Variants in DENND4C observed in about 807,000 individuals in gnomAD.
DENND4C encodes the protein DENN domain-containing protein 4C.
In DENND4C, 108 loss-of-function variants were observed where a neutral mutation model predicts 203.0. The ratio of observed to expected loss-of-function variants is 0.53; its 90% CI spans 0.46 to 0.62. DENND4C has a LOEUF of 0.62. DENND4C is among the 20% of genes least tolerant of loss of function. The probability of loss-of-function intolerance (pLI) is 0.00; values close to 1 mark genes in which losing one functional copy is unlikely to be tolerated. For missense variants in DENND4C, 2,481 were observed against 2,301.2 expected (o/e 1.08, Z -1.60); for synonymous variants, 871 against 792.4 (o/e 1.10, Z -1.67).
At chr9:19,235,595 TACAGAAGAGTCA>T (rs1821749232) in intron 1 of DENND4C, among the ~76,000 whole-genome samples, 1 of 149,204 alleles carries the variant, frequency 6.7e-6, no homozygotes. Flanking sequence ...TCTGTTGGTT[TACAGAAGAGTCA>T]TCTTTTTTTT....
intron 1 of DENND4C, among the ~76,000 whole-genome samples, chr9:19,254,798 G>GTT (rs1827521827): frequency 6.6e-6 from 1 of 152,102 alleles, no homozygotes; most frequent in East Asian, 1.9e-4. Flanking sequence ...TACCTTGAAT[G>GTT]TTATATATAT....
chr9:19,343,601 A>G lies in DENND4C; in HGVS notation c.3151+822A>G, dbSNP rs759771026. On this transcript the variant is annotated intron_variant, in intron 22 of 32. Transcript: ENST00000434457. Reference sequence around the variant, plus strand: ...ACCGTGACTCCGAGTTTCACTCATTACTTGTTTGGGTAGTGCTCAAGAGGT... The same window carrying G: ...ACCGTGACTCCGAGTTTCACTCATTGCTTGTTTGGGTAGTGCTCAAGAGGT... 9.2e-5 allele frequency among the ~76,000 whole-genome samples: 14 copies of G among 152,326 alleles called. No homozygotes were observed. In the South Asian group the frequency reaches 1.4e-3, roughly 16 times the overall value.
intron 10 of DENND4C, among the ~76,000 whole-genome samples, chr9:19,312,945 A>C (rs1351040362): frequency 2.0e-5 from 3 of 152,200 alleles, no homozygotes; most frequent in Non-Finnish European, 1.5e-5. Context: ...AACTGGCATT[A>C]AAAATCCAAT....
At chr9:19,343,661 A>G (rs1822173606) in intron 22 of DENND4C, among the ~76,000 whole-genome samples, 1 of 152,244 alleles carries the variant, frequency 6.6e-6, no homozygotes, top group Non-Finnish European at 1.5e-5. Flanking sequence ...TAATTGATAT[A>G]TACATTGCAG....
Position 19,342,634 on chromosome 9 carries a change from G to A in DENND4C, c.3006G>A (p.Glu1002=). 1 of 1,591,404 alleles carries A rather than the reference G, an allele frequency of 6.3e-7. No individual in the cohort carries two copies. Among genetic ancestry groups the A allele is most frequent in the Non-Finnish European group, 8.5e-7 (1 of 1,172,470 alleles). The change falls in exon 22 of 33, where the codon GAG becomes GAA. Residue 1002 remains glutamate (E), a splice_region_variant and synonymous_variant. Transcript: ENST00000434457. ...LITKTKMQTE[E]VCDASAIVAK... is the part of the protein sequence containing the mutation. The stretch of plus-strand genomic sequence containing the variant: ...TAACATCCAAATATTTTTTTCCAGA[G>A]GTGTGTGATGCCTCTGCTATTGTGG...
At chr9:19,347,526 A>G (rs1276533529) in intron 23 of DENND4C, among the ~76,000 whole-genome samples, 1 of 152,166 alleles carries the variant, frequency 6.6e-6, no homozygotes, top group Non-Finnish European at 1.5e-5. Flanking sequence ...CTGATATGGA[A>G]TGTTTGTATA....
chr9:19,250,613 T>C (rs1260080625), intron 1 of DENND4C, among the ~76,000 whole-genome samples: 2 of 152,196 alleles, frequency 1.3e-5, no homozygotes, highest in Admixed American at 1.3e-4. Context: ...CTCCGCCGAT[T>C]AGCTTGTAAA....
At chr9:19,349,792 G>A (rs1209632191) in intron 23 of DENND4C, among the ~76,000 whole-genome samples, 1 of 152,034 alleles carries the variant, frequency 6.6e-6, no homozygotes. Flanking sequence ...GTTCACAGGT[G>A]TTTAAATAAT....
intron 30 of DENND4C, 117 bp downstream of exon 30, chr9:19,362,080 G>A: frequency 1.7e-6 from 1 of 573,340 alleles, no homozygotes; most frequent in East Asian, 3.2e-5. Flanking sequence ...TGGAGACCAG[G>A]CTGGCCAACA....
chr9:19,245,419 A>G (rs1308009565), intron 1 of DENND4C, among the ~76,000 whole-genome samples: 4 of 149,310 alleles, frequency 2.7e-5, no homozygotes, highest in Admixed American at 1.4e-4. Context: ...GTGAGCCAAG[A>G]TGGCGCTACT....
intron 4 of DENND4C, 96 bp from the exon 5 acceptor site, chr9:19,290,608 A>G (rs1836095528): frequency 4.8e-6 from 4 of 828,772 alleles, no homozygotes; most frequent in Non-Finnish European, 6.7e-6. Context: ...TATTGCCATG[A>G]AATTCGGCAT....
chr9:19,269,978 G>A (rs1197055346), intron 1 of DENND4C, among the ~76,000 whole-genome samples: 4 of 152,254 alleles, frequency 2.6e-5, no homozygotes, highest in Non-Finnish European at 2.9e-5. Context: ...CTACATTAGG[G>A]AGCACCTTAA....
At chr9:19,238,475 C>T (rs1588709633) in intron 1 of DENND4C, among the ~76,000 whole-genome samples, 1 of 37,494 alleles carries the variant, frequency 2.7e-5, no homozygotes, top group African/African-American at 1.2e-4. Context: ...TCCCTCTCCC[C>T]TCCCCTCCCC....
At chr9:19,254,109 G>A (rs1047750844) in intron 1 of DENND4C, among the ~76,000 whole-genome samples, 16 of 152,210 alleles carry the variant, frequency 1.1e-4, no homozygotes, top group South Asian at 4.1e-4. Flanking sequence ...TGGGTATGGC[G>A]AAAGAGAACT....
In DENND4C at chr9:19,235,609, C is replaced by CT. The variant is rs58031665; in HGVS notation, c.-18+4795dup. Among the ~76,000 whole-genome samples, 484 of 118,920 alleles carry CT rather than the reference C, an allele frequency of 4.1e-3. 11 individuals carry two copies. Among genetic ancestry groups the CT allele is most frequent in the South Asian group, 0.012 (41 of 3,528 alleles). The allele number at this position is 118,920 out of a possible 152,430, so 78.0% of individuals were successfully genotyped here. A position where few individuals can be genotyped will look rare whatever the true frequency, so the allele number is the denominator to read the frequency against. On this transcript the variant is annotated intron_variant, in intron 1 of 32. Transcript: ENST00000434457. Reference sequence around the variant, plus strand: ...ATCTGTTGGTTTACAGAAGAGTCATCTTTTTTTTTTTTTTTTTTTGAGACG... The same window carrying CT: ...ATCTGTTGGTTTACAGAAGAGTCATCTTTTTTTTTTTTTTTTTTTTGAGACG...
At chr9:19,302,830 AT>A (rs1838864570) in intron 9 of DENND4C, among the ~76,000 whole-genome samples, 1 of 152,102 alleles carries the variant, frequency 6.6e-6, no homozygotes, top group African/African-American at 2.4e-5. Flanking sequence ...GTTCCTTCTC[AT>A]TAAAGCACTC....
intron 1 of DENND4C, among the ~76,000 whole-genome samples, chr9:19,242,759 G>C (rs1463895742): frequency 2.0e-5 from 3 of 151,946 alleles, no homozygotes; most frequent in African/African-American, 7.3e-5. Context: ...GGGTTGAAGT[G>C]ATTGTCCTGC....
At chr9:19,330,333 G>GTTTTT (rs398010417) in intron 16 of DENND4C, among the ~76,000 whole-genome samples, 4 of 97,142 alleles carry the variant, frequency 4.1e-5, no homozygotes, top group African/African-American at 4.0e-5. Flanking sequence ...TACCAAGTTG[G>GTTTTT]TTTTTTTTTT....
At chr9:19,265,105 C>G (rs186148805) in intron 1 of DENND4C, among the ~76,000 whole-genome samples, 6 of 152,136 alleles carry the variant, frequency 3.9e-5, no homozygotes, top group African/African-American at 1.4e-4. Flanking sequence ...ACCTTGACCT[C>G]TTGGGCTCAG....
Sources: allele counts gnomAD v4.1 joint callset (sites outside exome capture counted in the v4.1 genomes callset), GRCh38; gene constraint gnomAD v4.1.1; transcripts MANE v1.5; gene names NCBI Gene and HGNC (gene_info 2026-07-23, HGNC 2026-07-21).